CADPS2: variants seen among roughly 807,000 people sequenced by gnomAD.
CADPS2 encodes calcium-dependent secretion activator 2.
CADPS2 carries 93 observed loss-of-function variants against 172.5 expected under a neutral mutation model. The ratio of observed to expected loss-of-function variants is 0.54; its 90% CI spans 0.46 to 0.64. The LOEUF (loss-of-function observed/expected upper bound fraction) is 0.64. Ranked by LOEUF, CADPS2 falls within the 30% of genes least tolerant of loss-of-function variation. The probability of loss-of-function intolerance (pLI) is 0.00; values close to 1 mark genes in which losing one functional copy is unlikely to be tolerated. For synonymous variants in CADPS2, 546 were observed against 555.2 expected (o/e 0.98, Z 0.23); for missense variants, 1,420 against 1,565.9 (o/e 0.91, Z 1.57).
At chr7:122,660,580 A>G (rs1418910445) in intron 3 of CADPS2, among the ~76,000 whole-genome samples, 2 of 150,170 alleles carry the variant, frequency 1.3e-5, no homozygotes, top group African/African-American at 4.9e-5. Context: ...ATACCCATTA[A>G]AAGACCAAGA....
At chr7:122,667,103 T>C (rs779652345) in intron 2 of CADPS2, among the ~76,000 whole-genome samples, 1 of 152,244 alleles carries the variant, frequency 6.6e-6, no homozygotes, top group Non-Finnish European at 1.5e-5. Flanking sequence ...TCAATTATTG[T>C]GTGTTCTCTG....
intron 6 of CADPS2, among the ~76,000 whole-genome samples, chr7:122,608,690 C>G (rs2073911997): frequency 6.6e-6 from 1 of 151,886 alleles, no homozygotes; most frequent in Non-Finnish European, 1.5e-5. Context: ...CAGTAGAGAC[C>G]CATTAATCTT....
At chr7:122,527,617 A>AGTGTGTGTGTGTGT (rs59653845) in intron 8 of CADPS2, among the ~76,000 whole-genome samples, 38 of 83,870 alleles carry the variant, frequency 4.5e-4, no homozygotes, top group Non-Finnish European at 7.3e-4. Context: ...AGAGAGAGAG[A>AGTGTGTGTGTGTGT]GTGTGTGTGT....
intron 20 of CADPS2, among the ~76,000 whole-genome samples, chr7:122,394,529 A>G (rs1348675280): frequency 6.6e-6 from 1 of 152,156 alleles, no homozygotes; most frequent in Non-Finnish European, 1.5e-5. Context: ...TTAAAAATAT[A>G]CTCTGTGGTC....
intron 1 of CADPS2, among the ~76,000 whole-genome samples, chr7:122,804,539 T>C (rs1481433638): frequency 6.6e-6 from 1 of 152,222 alleles, no homozygotes; most frequent in Non-Finnish European, 1.5e-5. Context: ...TTAAATGACA[T>C]TTTAAGGAAA....
chr7:122,799,262 T>C (rs1013082651), intron 1 of CADPS2, among the ~76,000 whole-genome samples: 1 of 152,182 alleles, frequency 6.6e-6, no homozygotes, highest in African/African-American at 2.4e-5. Flanking sequence ...TATTATTCTT[T>C]TCTTTCTAGA....
chr7:122,664,838 C>T (rs2081014583), intron 2 of CADPS2, among the ~76,000 whole-genome samples: 1 of 151,934 alleles, frequency 6.6e-6, no homozygotes, highest in Non-Finnish European at 1.5e-5. Context: ...AGGCTGGAGC[C>T]CAGTGACACA....
chr7:122,836,911 C>T (rs1289873227), intron 1 of CADPS2, among the ~76,000 whole-genome samples: 1 of 152,124 alleles, frequency 6.6e-6, no homozygotes, highest in Non-Finnish European at 1.5e-5. Context: ...TTGAACTCAG[C>T]TCTGCACCAA....
At chr7:122,386,433 A>T (rs914514981) in intron 24 of CADPS2, 30 of 532,512 alleles carry the variant, frequency 5.6e-5, no homozygotes, top group Non-Finnish European at 8.3e-5. Context: ...AAAACAGATA[A>T]TTGAAGAAAA....
At chr7:122,768,520 T>C (rs1298888094) in intron 1 of CADPS2, among the ~76,000 whole-genome samples, 1 of 152,140 alleles carries the variant, frequency 6.6e-6, no homozygotes. Flanking sequence ...TGCCTACTGA[T>C]CGTTCAGTAG....
intron 6 of CADPS2, among the ~76,000 whole-genome samples, chr7:122,608,450 A>G (rs1432766870): frequency 6.6e-6 from 1 of 152,196 alleles, no homozygotes; most frequent in African/African-American, 2.4e-5. Context: ...CCATTCTGAT[A>G]AGCATTCCAT....
intron 15 of CADPS2, among the ~76,000 whole-genome samples, chr7:122,448,096 GAAGAA>G (rs1328529519): frequency 6.6e-6 from 1 of 152,036 alleles, no homozygotes; most frequent in East Asian, 1.9e-4. Flanking sequence ...AATGAAAGTT[GAAGAA>G]AAGGATCTTT....
rs114291563 is a variant in CADPS2 at position 122,424,988 on chromosome 7, A to G, written c.2477-8824T>C. 8.4e-3 allele frequency among the ~76,000 whole-genome samples: 1,276 copies of G among 152,166 alleles called. 15 individuals are homozygous for G. The highest frequency in any genetic ancestry group is 0.027 in the Middle Eastern group (8 of 294). On this transcript the variant is annotated intron_variant, in intron 17 of 29. Coordinates refer to ENST00000449022, the MANE Select transcript of CADPS2 (RefSeq NM_017954.11). ...TTGTGTAATAGCTTTTTTTAAAAAAATTATTTTTTTGGACAGGGTCTTGCT... is the reference window on the plus strand; with the variant it reads ...TTGTGTAATAGCTTTTTTTAAAAAAGTTATTTTTTTGGACAGGGTCTTGCT...
intron 6 of CADPS2, among the ~76,000 whole-genome samples, chr7:122,601,356 T>G (rs1463049156): frequency 6.6e-6 from 1 of 152,002 alleles, no homozygotes; most frequent in African/African-American, 2.4e-5. Context: ...TCAGGTAAAA[T>G]TTGCTATTTT....
At chr7:122,669,580 G>A (rs922203232) in intron 2 of CADPS2, among the ~76,000 whole-genome samples, 7 of 151,826 alleles carry the variant, frequency 4.6e-5, no homozygotes, top group Non-Finnish European at 8.8e-5. Context: ...GAGGGAGGAA[G>A]AGTAACGATC....
chr7:122,709,807 A>T (rs2088371930), intron 2 of CADPS2, among the ~76,000 whole-genome samples: 1 of 151,978 alleles, frequency 6.6e-6, no homozygotes, highest in Admixed American at 6.6e-5. Context: ...TATCGCAAGG[A>T]CAAAAAACCA....
At chr7:122,819,574 C>T (rs1802512440) in intron 1 of CADPS2, among the ~76,000 whole-genome samples, 2 of 152,052 alleles carry the variant, frequency 1.3e-5, no homozygotes, top group South Asian at 2.1e-4. Flanking sequence ...TGGGTATTGA[C>T]AGCCAGGCTT....
At chr7:122,694,483 T>A (rs182716129) in intron 2 of CADPS2, among the ~76,000 whole-genome samples, 3 of 152,246 alleles carry the variant, frequency 2.0e-5, no homozygotes, top group African/African-American at 4.8e-5. Flanking sequence ...CATGGCAGCA[T>A]CTAAAAATCA....
At chr7:122,724,966 A>G (rs892214798) in intron 2 of CADPS2, among the ~76,000 whole-genome samples, 3 of 152,100 alleles carry the variant, frequency 2.0e-5, no homozygotes, top group African/African-American at 7.2e-5. Context: ...ATTATTTTAA[A>G]AAACAAATTT....
Sources: gnomAD v4.1 joint callset for allele counts (sites outside exome capture counted in the v4.1 genomes callset) on GRCh38, gnomAD v4.1.1 for gene constraint, MANE v1.5 for transcripts, NCBI Gene and HGNC (gene_info 2026-07-23, HGNC 2026-07-21) for gene names.